Variants in MAP3K4 observed in about 807,000 individuals in gnomAD.
The protein encoded by MAP3K4 is mitogen-activated protein kinase kinase kinase 4.
In MAP3K4, 67 loss-of-function variants were observed where a neutral mutation model predicts 185.6. The ratio of observed to expected loss-of-function variants is 0.36; its 90% CI spans 0.30 to 0.44. The LOEUF (loss-of-function observed/expected upper bound fraction) is 0.44, where lower values mean the gene tolerates loss of function less well. Among genes scored for constraint, MAP3K4 ranks in the 20% least tolerant of loss-of-function variants. MAP3K4 has a pLI of 1.00. For synonymous variants in MAP3K4, 702 were observed against 710.4 expected, an observed-to-expected ratio of 0.99 and a Z score of 0.19; for missense variants, 1,551 against 1,995.1, an observed-to-expected ratio of 0.78 and a Z score of 4.24.
rs973222710 is a variant in MAP3K4 at position 161,096,356 on chromosome 6, A to G, written c.3428-724A>G. On this transcript the variant is annotated intron_variant, in intron 15 of 26. Coordinates refer to ENST00000392142, the MANE Select transcript of MAP3K4 (RefSeq NM_005922.4). This position sits in a 1 kb window ranked among gnomAD's most constrained non-coding sequence, Gnocchi z 4.9. ...TAAAAAAATACTAAGGAGGGTTAAA[A>G]CAGAGTGGTAAAAGTGAAGAAGAGA... Among the ~76,000 whole-genome samples the G allele has an allele frequency of 6.6e-6, 1 of 152,210 alleles. No individual in the cohort carries two copies. Among genetic ancestry groups the G allele is most frequent in the Non-Finnish European group, 1.5e-5 (1 of 68,036 alleles).
Position 161,086,514 on chromosome 6 carries a change from T to G in MAP3K4, c.2472+36T>G. The G allele has an allele frequency of 5.0e-6, 8 of 1,601,956 alleles. No homozygotes were observed. Among genetic ancestry groups the G allele is most frequent in the Non-Finnish European group, 6.8e-6 (8 of 1,172,480 alleles). On this transcript the variant is annotated intron_variant, in intron 8 of 26. Transcript: ENST00000392142. The surrounding 1 kb of genome is among the most constrained non-coding windows in gnomAD (Gnocchi z 4.8). ...AATCCTGATTAATTAGTACCTTTTTTCTTGTTTTTCTTTTATCTTATTTTT... is the reference window on the plus strand; with the variant it reads ...AATCCTGATTAATTAGTACCTTTTTGCTTGTTTTTCTTTTATCTTATTTTT...
rs1393040698 is a variant in MAP3K4 at position 161,074,625 on chromosome 6, C to T, written c.2097+1013C>T. 1.3e-5 allele frequency among the ~76,000 whole-genome samples: 2 copies of T among 152,134 alleles called. No individual in the cohort carries two copies. Among genetic ancestry groups the T allele is most frequent in the African/African-American group, 4.8e-5 (2 of 41,424 alleles). Reference sequence around the variant, plus strand: ...TATAACTTGAAATTCTCTTGTTTTCCATAGTATCTGATAGTGTTCATGTAT... The same window carrying T: ...TATAACTTGAAATTCTCTTGTTTTCTATAGTATCTGATAGTGTTCATGTAT... On this transcript the variant is annotated intron_variant, in intron 5 of 26. Coordinates refer to ENST00000392142, the MANE Select transcript of MAP3K4 (RefSeq NM_005922.4). The surrounding 1 kb of genome is among the most constrained non-coding windows in gnomAD (Gnocchi z 5.0).
Position 161,086,792 on chromosome 6 carries a change from C to T in MAP3K4, c.2556+125C>T, listed in dbSNP as rs1360755137. 8.9e-6 allele frequency: 6 copies of T among 671,678 alleles called. No homozygotes were observed. The highest frequency in any genetic ancestry group is 1.5e-5 in the Non-Finnish European group (6 of 396,182). The allele number at this position is 671,678 out of a possible 1,614,324, so 41.6% of individuals were successfully genotyped here. On this transcript the variant is annotated intron_variant, in intron 9 of 26. Coordinates refer to ENST00000392142, the MANE Select transcript of MAP3K4 (RefSeq NM_005922.4). The surrounding 1 kb of genome is among the most constrained non-coding windows in gnomAD (Gnocchi z 4.8). The stretch of plus-strand genomic sequence containing the variant: ...GGCTCTGAAGGCTGTACCACAACCC[C>T]AGTTGTAAGACTGTCCTGTAATTCA...
At position 161,109,745 on chromosome 6, in the gene MAP3K4, C is replaced by T. The variant is rs759098569; in HGVS notation, c.4237-10C>T. On this transcript the variant is annotated splice_polypyrimidine_tract_variant and intron_variant, in intron 22 of 26. Transcript: ENST00000392142. The surrounding 1 kb of genome is among the most constrained non-coding windows in gnomAD (Gnocchi z 5.7). ...CGTAAACACAGAGCTGCCCTTTATTCCTCCCACAGGAAGAAATGTACATCT... is the reference window on the plus strand; with the variant it reads ...CGTAAACACAGAGCTGCCCTTTATTTCTCCCACAGGAAGAAATGTACATCT... The T allele has an allele frequency of 3.1e-6, 5 of 1,613,896 alleles. No homozygotes were observed. The highest frequency in any genetic ancestry group is 4.2e-6 in the Non-Finnish European group (5 of 1,179,968).
At chr6:161,019,391 T>C (rs948482975) in intron 1 of MAP3K4, among the ~76,000 whole-genome samples, 1 of 152,222 alleles carries the variant, frequency 6.6e-6, no homozygotes, top group Admixed American at 6.5e-5. Flanking sequence ...TACCACAGTT[T>C]CTTCCATGTT....
chr6:161,108,043 C>A lies in MAP3K4; in HGVS notation c.4119+74C>A. 2.2e-6 allele frequency: 3 copies of A among 1,356,156 alleles called. No individual in the cohort carries two copies. The South Asian group carries it at 3.7e-5, about 17-fold the overall frequency. The allele number at this position is 1,356,156 out of a possible 1,614,324, so 84.0% of individuals were successfully genotyped here. Reference sequence around the variant, plus strand: ...ATAGAAATTCCGTATAGACGCTGGTCGTGATTCAGTTCTCTGTGCGTAGAG... The same window carrying A: ...ATAGAAATTCCGTATAGACGCTGGTAGTGATTCAGTTCTCTGTGCGTAGAG... On this transcript the variant is annotated intron_variant, in intron 21 of 26. Coordinates refer to ENST00000392142, the MANE Select transcript of MAP3K4 (RefSeq NM_005922.4). The surrounding 1 kb of genome is among the most constrained non-coding windows in gnomAD (Gnocchi z 5.7).
chr6:161,076,431 T>C lies in MAP3K4; in HGVS notation c.2097+2819T>C, dbSNP rs958938166. Among the ~76,000 whole-genome samples, 1 of 152,208 alleles carries C rather than the reference T, an allele frequency of 6.6e-6. No individual in the cohort carries two copies. Among genetic ancestry groups the C allele is most frequent in the Admixed American group, 6.5e-5 (1 of 15,284 alleles). On this transcript the variant is annotated intron_variant, in intron 5 of 26. Transcript: ENST00000392142. The surrounding 1 kb of genome is among the most constrained non-coding windows in gnomAD (Gnocchi z 4.2). The stretch of plus-strand genomic sequence containing the variant: ...TTCTGTGACCTTGGGGGCTTTACTC[T>C]GCGTTAGGACATCCACTGTACTCGA...
At chr6:161,032,890 A>C (rs1782997065) in intron 1 of MAP3K4, among the ~76,000 whole-genome samples, 1 of 152,202 alleles carries the variant, frequency 6.6e-6, no homozygotes, top group Admixed American at 6.5e-5. Flanking sequence ...ACATATGTTT[A>C]GGAGCACATG....
chr6:161,070,485 C>T lies in MAP3K4; in HGVS notation c.1708-123C>T. ...ATTAAATTATTAAATATTCTTTTCC[C>T]TGTAAAATTAGAATTTTTGTAGATT... On this transcript the variant is annotated intron_variant, in intron 3 of 26. Coordinates refer to ENST00000392142, the MANE Select transcript of MAP3K4 (RefSeq NM_005922.4). The surrounding 1 kb of genome is among the most constrained non-coding windows in gnomAD (Gnocchi z 4.5). 2 of 664,864 alleles carry T rather than the reference C, an allele frequency of 3.0e-6. No homozygotes were observed. The highest frequency in any genetic ancestry group is 6.4e-5 in the South Asian group (2 of 31,022). The allele number at this position is 664,864 out of a possible 1,614,324, so 41.2% of individuals were successfully genotyped here.
intron 1 of MAP3K4, among the ~76,000 whole-genome samples, chr6:161,001,016 A>ATAT (rs1781277672): frequency 4.8e-5 from 1 of 20,660 alleles, no homozygotes; most frequent in African/African-American, 3.2e-4. Context: ...ACACATATGT[A>ATAT]TATAATATAT....
chr6:161,065,764 C>T (rs1263033604), intron 3 of MAP3K4, among the ~76,000 whole-genome samples: 1 of 152,034 alleles, frequency 6.6e-6, no homozygotes, highest in Non-Finnish European at 1.5e-5. Context: ...CAGTGAAACC[C>T]CGTCTCTACT....
At position 161,080,819 on chromosome 6, in the gene MAP3K4, T is replaced by G. The variant is rs1785417339; in HGVS notation, c.2098-62T>G. 4.9e-5 allele frequency: 72 copies of G among 1,473,346 alleles called. No homozygotes were observed. Among genetic ancestry groups the G allele is most frequent in the Non-Finnish European group, 6.1e-5 (65 of 1,067,168 alleles). 91.3% of individuals were successfully genotyped at this position (1,473,346 alleles called of 1,614,324 possible). A position where few individuals can be genotyped will look rare whatever the true frequency, so the allele number is the denominator to read the frequency against. On this transcript the variant is annotated intron_variant, in intron 5 of 26. Coordinates refer to ENST00000392142, the MANE Select transcript of MAP3K4 (RefSeq NM_005922.4). This position sits in a 1 kb window ranked among gnomAD's most constrained non-coding sequence, Gnocchi z 4.8. Reference sequence around the variant, plus strand: ...ACCCTGCTGATGTGTAGCTTTCAGGTGAGAGCGCTGAGTTGCCAAGTTCTA... The same window carrying G: ...ACCCTGCTGATGTGTAGCTTTCAGGGGAGAGCGCTGAGTTGCCAAGTTCTA...
At position 161,034,933 on chromosome 6, in the gene MAP3K4, A is replaced by C. The variant is rs1024233213; in HGVS notation, c.343+484A>C. On this transcript the variant is annotated intron_variant, in intron 2 of 26. Transcript: ENST00000392142. This position sits in a 1 kb window ranked among gnomAD's most constrained non-coding sequence, Gnocchi z 4.4. ...TAGGGCTCTCTTTTTCATACTAAGC[A>C]CAGTGACCCCACACCTAACAACCAT... 6.6e-6 allele frequency among the ~76,000 whole-genome samples: 1 copy of C among 152,014 alleles called. No individual in the cohort carries two copies. The highest frequency in any genetic ancestry group is 1.5e-5 in the Non-Finnish European group (1 of 67,994).
Position 161,054,311 on chromosome 6 carries a change from T to C in MAP3K4, c.1707+4332T>C, listed in dbSNP as rs775841528. On this transcript the variant is annotated intron_variant, in intron 3 of 26. Coordinates refer to ENST00000392142, the MANE Select transcript of MAP3K4 (RefSeq NM_005922.4). This position sits in a 1 kb window ranked among gnomAD's most constrained non-coding sequence, Gnocchi z 4.2. ...CTGGGATTACAGGCATGCGCCACTA[T>C]GCCTGGCTAATTTTTGTATTTTTAG... 6.6e-6 allele frequency among the ~76,000 whole-genome samples: 1 copy of C among 152,118 alleles called. No homozygotes were observed. The highest frequency in any genetic ancestry group is 1.5e-5 in the Non-Finnish European group (1 of 68,026).
Position 161,110,806 on chromosome 6 carries a change from G to C in MAP3K4, c.4396+892G>C, listed in dbSNP as rs191668028. Among the ~76,000 whole-genome samples the C allele has an allele frequency of 1.3e-5, 2 of 152,288 alleles. No homozygotes were observed. The highest frequency in any genetic ancestry group is 1.3e-4 in the Admixed American group (2 of 15,298). On this transcript the variant is annotated intron_variant, in intron 23 of 26. Transcript: ENST00000392142. This position sits in a 1 kb window ranked among gnomAD's most constrained non-coding sequence, Gnocchi z 4.8. ...TGGCTGCCTGCCTGTCCGCTACCTT[G>C]CTTTGGTGTCTGGGGTCATCCTGAT...
At chr6:161,005,397 C>T (rs149413060) in intron 1 of MAP3K4, among the ~76,000 whole-genome samples, 8 of 152,192 alleles carry the variant, frequency 5.3e-5, no homozygotes, top group African/African-American at 9.6e-5. Flanking sequence ...GCCTCGGTCT[C>T]GCAAAGTGCT....
At chr6:161,085,162 A>G (rs1785645952) in intron 7 of MAP3K4, among the ~76,000 whole-genome samples, 1 of 152,026 alleles carries the variant, frequency 6.6e-6, no homozygotes, top group Non-Finnish European at 1.5e-5. Context: ...AAAAAAAACT[A>G]AAGATAAAGA....
At chr6:160,999,687 G>A (rs1323545691) in intron 1 of MAP3K4, among the ~76,000 whole-genome samples, 1 of 152,026 alleles carries the variant, frequency 6.6e-6, no homozygotes, top group Non-Finnish European at 1.5e-5. Context: ...CCTTACCCTC[G>A]CATCGCCATG....
Position 161,116,744 on chromosome 6 carries a change from C to A in MAP3K4, c.4807-106C>A. On this transcript the variant is annotated intron_variant, in intron 26 of 26. Coordinates refer to ENST00000392142, the MANE Select transcript of MAP3K4 (RefSeq NM_005922.4). This position sits in a 1 kb window ranked among gnomAD's most constrained non-coding sequence, Gnocchi z 6.2. The stretch of plus-strand genomic sequence containing the variant: ...TCTGTGCCCAGTACAGTGCTGGGAG[C>A]ATCAGGATGAGTGGATGGGGCCTTC... 1 of 913,998 alleles carries A rather than the reference C, an allele frequency of 1.1e-6. No homozygotes were observed. Among genetic ancestry groups the A allele is most frequent in the Non-Finnish European group, 1.8e-6 (1 of 557,292 alleles). The allele number at this position is 913,998 out of a possible 1,614,324, so 56.6% of individuals were successfully genotyped here. A position where few individuals can be genotyped will look rare whatever the true frequency, so the allele number is the denominator to read the frequency against.
Sources: allele counts gnomAD v4.1 joint callset (sites outside exome capture counted in the v4.1 genomes callset), GRCh38; gene constraint gnomAD v4.1.1; non-coding constraint Gnocchi (gnomAD v3.1); transcripts MANE v1.5; gene names NCBI Gene and HGNC (gene_info 2026-07-23, HGNC 2026-07-21).